USP24: variants seen among roughly 807,000 people sequenced by gnomAD.
USP24 encodes the protein ubiquitin specific peptidase 24.
USP24 carries 97 observed loss-of-function variants against 361.6 expected under a neutral mutation model. The ratio of observed to expected loss-of-function variants is 0.27; its 90% CI spans 0.23 to 0.32. The LOEUF (loss-of-function observed/expected upper bound fraction) is 0.32. Among genes scored for constraint, USP24 ranks in the 10% least tolerant of loss-of-function variants. The pLI, the probability that USP24 is intolerant of heterozygous loss-of-function variation, is 1.00. For synonymous variants in USP24, 1,098 were observed against 1,124.6 expected (o/e 0.98, Z 0.47); for missense variants, 2,353 against 3,165.6 (o/e 0.74, Z 6.16).
intron 65 of USP24, 73 bp downstream of exon 65, chr1:55,072,713 A>C: frequency 2.1e-6 from 3 of 1,419,170 alleles, no homozygotes; most frequent in Non-Finnish European, 2.9e-6. Context: ...ATTCAGTTCT[A>C]GAGATTTTTC....
intron 40 of USP24, among the ~76,000 whole-genome samples, chr1:55,106,504 A>C (rs1645777830): frequency 6.6e-6 from 1 of 152,226 alleles, no homozygotes; most frequent in Non-Finnish European, 1.5e-5. Context: ...TGGGCTTACA[A>C]TACAGTGAAA....
At chr1:55,074,851 A>C (rs1644993827) in intron 63 of USP24, among the ~76,000 whole-genome samples, 1 of 152,102 alleles carries the variant, frequency 6.6e-6, no homozygotes, top group South Asian at 2.1e-4. Flanking sequence ...AAAAGGCCCT[A>C]AATCTCTTAA....
chr1:55,154,844 G>T, intron 12 of USP24, 66 bp from the exon 13 acceptor site: 1 of 1,260,196 alleles, frequency 7.9e-7, no homozygotes, highest in Non-Finnish European at 1.1e-6. Context: ...TCTTCCCCCT[G>T]GCAACTTACA....
At chr1:55,077,435 T>G in intron 61 of USP24, 135 bp from the exon 62 acceptor site, 1 of 583,610 alleles carries the variant, frequency 1.7e-6, no homozygotes, top group Non-Finnish European at 2.7e-6. Flanking sequence ...TTCTAGGCCT[T>G]AGTTTCTCAA....
intron 65 of USP24, 138 bp from the exon 66 acceptor site, chr1:55,072,541 C>T (rs1438938549): frequency 1.2e-5 from 9 of 774,032 alleles, no homozygotes; most frequent in South Asian, 3.7e-5. Context: ...TCACATAAAG[C>T]GATTCAAGAC....
At chr1:55,111,151 T>C (rs1281438151) in intron 38 of USP24, among the ~76,000 whole-genome samples, 1 of 152,000 alleles carries the variant, frequency 6.6e-6, no homozygotes, top group Non-Finnish European at 1.5e-5. Context: ...TCCTGGTATT[T>C]AGCATGCAAC....
At chr1:55,089,495 G>T in intron 55 of USP24, 132 bp downstream of exon 55, 1 of 653,950 alleles carries the variant, frequency 1.5e-6, no homozygotes, top group Non-Finnish European at 2.6e-6. Context: ...CTGTTTCAGT[G>T]AAGAGAGTTT....
At chr1:55,105,919 C>CT (rs5774214) in intron 41 of USP24, among the ~76,000 whole-genome samples, 152,321 of 152,338 alleles carry the variant, frequency 1, 76,152 homozygotes, top group Non-Finnish European at 1. Flanking sequence ...TTTATTTGTT[C>CT]TCCATTCTGA....
chr1:55,166,779 T>C (rs1455635999), intron 5 of USP24, among the ~76,000 whole-genome samples, 176 bp from the exon 6 acceptor site: 1 of 152,168 alleles, frequency 6.6e-6, no homozygotes, highest in East Asian at 1.9e-4. Flanking sequence ...CTGTATATGA[T>C]TTTGGGAGTC....
intron 38 of USP24, among the ~76,000 whole-genome samples, chr1:55,115,257 G>A (rs621852): frequency 0.66 from 99,424 of 151,706 alleles, 35,794 homozygotes; most frequent in East Asian, 0.91. Context: ...GGTGGCTCAC[G>A]CCTGTAATCC....
chr1:55,125,649 A>C lies in USP24; in HGVS notation c.3731+14T>G. 6.3e-7 allele frequency: 1 copy of C among 1,585,652 alleles called. No homozygotes were observed. Among genetic ancestry groups the C allele is most frequent in the Non-Finnish European group, 8.6e-7 (1 of 1,164,536 alleles). ...AGTATTGCCTGGTAAGACTAATGCA[A>C]TATATTTACATACCTTGCAAGCTGT... On this transcript the variant is annotated intron_variant, in intron 33 of 67. Transcript: ENST00000294383.
chr1:55,108,575 C>T (rs1262277098), intron 39 of USP24, among the ~76,000 whole-genome samples: 1 of 152,208 alleles, frequency 6.6e-6, no homozygotes, highest in East Asian at 1.9e-4. Flanking sequence ...ACGGAATACA[C>T]TCCAGAATTG....
At chr1:55,107,866 A>AAAAC (rs1553150193) in intron 39 of USP24, among the ~76,000 whole-genome samples, 7 of 138,860 alleles carry the variant, frequency 5.0e-5, no homozygotes, top group East Asian at 2.0e-4. Flanking sequence ...AAAAAAAAAA[A>AAAAC]CACACAAAAA....
intron 1 of USP24, among the ~76,000 whole-genome samples, chr1:55,198,818 T>C (rs1166327315): frequency 1.3e-5 from 2 of 152,244 alleles, no homozygotes; most frequent in African/African-American, 2.4e-5. Flanking sequence ...GAACAAATTA[T>C]GTAATGAAAG....
rs373405677 is a variant in USP24 at position 55,100,921 on chromosome 1, C to T, written c.5189G>A (p.Ser1730Asn). The T allele has an allele frequency of 5.0e-6, 8 of 1,613,608 alleles. No homozygotes were observed. Among genetic ancestry groups the T allele is most frequent in the Non-Finnish European group, 6.8e-6 (8 of 1,179,716 alleles). ...VDDDTDNPDD[S>N]VFYQVQSLFG... ...GAGAGACTGCACTTGGTAAAACACG[C>T]TATCATCTGGATTGTCTGTGTCATC... The change falls in exon 44 of 68, where the codon AGC (serine) becomes AAC (asparagine). Residue 1730 changes from serine to asparagine, a missense_variant. Around this residue, in one of 8 missense-constraint regions of USP24, gnomAD observed 949 missense variants for 1,280.5 expected, o/e 0.74. Coordinates refer to ENST00000294383, the MANE Select transcript of USP24 (RefSeq NM_015306.3).
intron 67 of USP24, among the ~76,000 whole-genome samples, chr1:55,069,872 CAAAAAAAAAAA>C (rs11365818): frequency 2.8e-5 from 1 of 35,658 alleles, no homozygotes; most frequent in Admixed American, 5.5e-4. Flanking sequence ...CACTCCATCT[CAAAAAAAAAAA>C]AAAAAAAAAA....
rs1557627382 is a variant in USP24 at position 55,143,068 on chromosome 1, T to C, written c.2491A>G (p.Met831Val). 9 of 1,533,514 alleles carry C rather than the reference T, an allele frequency of 5.9e-6. No homozygotes were observed. The highest frequency in any genetic ancestry group is 1.4e-5 in the African/African-American group (1 of 71,882). The allele number at this position is 1,533,514 out of a possible 1,614,324, so 95.0% of individuals were successfully genotyped here. The change falls in exon 22 of 68, where the codon ATG becomes GTG. Residue 831 changes from methionine to valine, a missense_variant. Around this residue, in one of 8 missense-constraint regions of USP24, gnomAD observed 949 missense variants for 1,280.5 expected, o/e 0.74. Coordinates refer to ENST00000294383, the MANE Select transcript of USP24 (RefSeq NM_015306.3). ...IGMDFIWKIA[M>V]ESPDEEIANE... ...GCAATTTCTTCATCAGGTGATTCCA[T>C]GGCTATTTTCCAAATGAAATCCATT... is the stretch of plus-strand genomic sequence containing the variant.
At chr1:55,139,751 C>T (rs1464553653) in intron 24 of USP24, among the ~76,000 whole-genome samples, 1 of 152,070 alleles carries the variant, frequency 6.6e-6, no homozygotes, top group East Asian at 1.9e-4. Context: ...GTCTGGTATG[C>T]TGATTAGCAG....
At chr1:55,205,354 T>G (rs1644678951) in intron 1 of USP24, among the ~76,000 whole-genome samples, 1 of 152,082 alleles carries the variant, frequency 6.6e-6, no homozygotes, top group Admixed American at 6.5e-5. Context: ...AAGGGGAGCA[T>G]GCAGAAAAGA....
Sources: allele counts gnomAD v4.1 joint callset (sites outside exome capture counted in the v4.1 genomes callset), GRCh38; gene constraint gnomAD v4.1.1; regional missense constraint gnomAD v4.1.1; transcripts MANE v1.5; gene names NCBI Gene and HGNC (gene_info 2026-07-23, HGNC 2026-07-21).